EEA1: variants seen among roughly 807,000 people sequenced by gnomAD.
The protein encoded by EEA1 is early endosome antigen 1, 162kD.
In EEA1, 111 loss-of-function variants were observed where a neutral mutation model predicts 209.2. The observed-to-expected ratio is 0.53, with a 90% CI of 0.45 to 0.62. The LOEUF is 0.62. Among genes scored for constraint, EEA1 ranks in the 20% least tolerant of loss-of-function variants. The pLI, the probability that EEA1 is intolerant of heterozygous loss-of-function variation, is 0.00. For synonymous variants in EEA1, 536 were observed against 540.6 expected (o/e 0.99, Z 0.12); for missense variants, 1,343 against 1,530.8 (o/e 0.88, Z 2.05).
At chr12:92,838,563 A>C (rs1400657065) in intron 10 of EEA1, among the ~76,000 whole-genome samples, 1 of 152,214 alleles carries the variant, frequency 6.6e-6, no homozygotes, top group Non-Finnish European at 1.5e-5. Context: ...CAGCTATGAA[A>C]GATTATATTT....
chr12:92,862,801 A>T (rs1161593435), intron 3 of EEA1, among the ~76,000 whole-genome samples: 1 of 152,240 alleles, frequency 6.6e-6, no homozygotes, highest in Non-Finnish European at 1.5e-5. Flanking sequence ...TGCGGGTAGG[A>T]GGAGCAGATG....
At chr12:92,867,438 G>C (rs914328611) in intron 2 of EEA1, among the ~76,000 whole-genome samples, 6 of 151,814 alleles carry the variant, frequency 4.0e-5, no homozygotes, top group Non-Finnish European at 8.8e-5. Context: ...AAATATGAAT[G>C]AACATGGCAG....
intron 1 of EEA1, among the ~76,000 whole-genome samples, 159 bp downstream of exon 1, chr12:92,928,884 T>TC (rs1881314403): frequency 6.9e-6 from 1 of 145,650 alleles, no homozygotes; most frequent in African/African-American, 2.5e-5. Flanking sequence ...CCACCCGCCC[T>TC]CCCCGCCCCC....
intron 3 of EEA1, chr12:92,857,959 T>C (rs75262097): frequency 0.015 from 3,714 of 247,398 alleles, 52 homozygotes; most frequent in East Asian, 0.041. Flanking sequence ...TGCACCACCA[T>C]TGGTTACGCC....
At chr12:92,831,495 T>C (rs1876628113) in intron 11 of EEA1, among the ~76,000 whole-genome samples, 1 of 146,612 alleles carries the variant, frequency 6.8e-6, no homozygotes, top group South Asian at 2.1e-4. Context: ...ATGAATTGTA[T>C]ATAATATATG....
At chr12:92,888,590 AC>A (rs1434799110) in intron 2 of EEA1, among the ~76,000 whole-genome samples, 2,310 of 148,094 alleles carry the variant, frequency 0.016, 69 homozygotes, top group African/African-American at 0.054. Flanking sequence ...AAACAAACAA[AC>A]AAACAAAAAA....
At chr12:92,780,498 T>C in intron 23 of EEA1, 87 bp from the exon 24 acceptor site, 1 of 961,914 alleles carries the variant, frequency 1.0e-6, no homozygotes, top group Non-Finnish European at 1.5e-6. Context: ...CTACTATTGA[T>C]GACACTGGCT....
chr12:92,832,724 G>A lies in EEA1; in HGVS notation c.1042C>T (p.Gln348Ter). Residue 348 changes from glutamine (Q) to a stop codon, truncating the protein, a stop_gained, in exon 11 of 29, where the codon CAG becomes TAG. Coordinates refer to ENST00000322349, the MANE Select transcript of EEA1 (RefSeq NM_003566.4). LOFTEE classifies it high-confidence loss of function. ...TLHQKDLDCQQLQSRLSASET... is the reference protein window; with the variant it reads ...TLHQKDLDCQ ...GATGCAGACAATCTTGACTGAAGCT[G>A]TTGACAATCTAGGTCTTTTTGATGA... The A allele has an allele frequency of 1.2e-6, 2 of 1,613,982 alleles. No homozygotes were observed. Among genetic ancestry groups the A allele is most frequent in the Non-Finnish European group, 1.7e-6 (2 of 1,179,964 alleles).
chr12:92,900,178 C>T (rs1311562270), intron 1 of EEA1, among the ~76,000 whole-genome samples: 1 of 152,178 alleles, frequency 6.6e-6, no homozygotes, highest in Non-Finnish European at 1.5e-5. Flanking sequence ...AGCACCCTGA[C>T]TGTTTCCAAT....
At chr12:92,928,896 G>C (rs1881315764) in intron 1 of EEA1, 147 bp downstream of exon 1, 1 of 650,602 alleles carries the variant, frequency 1.5e-6, no homozygotes, top group African/African-American at 2.0e-5. Context: ...CCCGCCCCCG[G>C]GCCGGGCGAC....
chr12:92,852,573 TA>T (rs1877677946), intron 7 of EEA1, among the ~76,000 whole-genome samples: 2 of 151,522 alleles, frequency 1.3e-5, no homozygotes, highest in Admixed American at 1.3e-4. Flanking sequence ...CATATATATG[TA>T]ATAGTATAAC....
intron 23 of EEA1, among the ~76,000 whole-genome samples, chr12:92,781,389 A>G (rs1439295682): frequency 2.6e-5 from 4 of 152,216 alleles, no homozygotes; most frequent in African/African-American, 9.6e-5. Context: ...CCTGTCAGCT[A>G]ACAGGAATAT....
At chr12:92,782,823 A>G (rs1873961221) in intron 22 of EEA1, among the ~76,000 whole-genome samples, 1 of 152,036 alleles carries the variant, frequency 6.6e-6, no homozygotes, top group South Asian at 2.1e-4. Context: ...TCTGATTGTG[A>G]GTCTTAAGAC....
chr12:92,826,400 A>G (rs1876300640), intron 12 of EEA1, 115 bp from the exon 13 acceptor site: 2 of 954,648 alleles, frequency 2.1e-6, no homozygotes, highest in African/African-American at 1.7e-5. Context: ...TCAGGAATAT[A>G]TAAGATAAAC....
At chr12:92,818,820 A>G (rs1875915827) in intron 14 of EEA1, among the ~76,000 whole-genome samples, 1 of 152,182 alleles carries the variant, frequency 6.6e-6, no homozygotes, top group African/African-American at 2.4e-5. Flanking sequence ...CATTAAGGCA[A>G]CTTATCAAAA....
In EEA1 at chr12:92,775,184, T is replaced by C. The variant is rs1018248482; in HGVS notation, c.*827A>G. 6.6e-6 allele frequency: 1 copy of C among 151,754 alleles called. No homozygotes were observed. The highest frequency in any genetic ancestry group is 1.5e-5 in the Non-Finnish European group (1 of 67,710). The allele number at this position is 151,754 out of a possible 1,614,324, so 9.4% of individuals were successfully genotyped here. On this transcript the variant is annotated 3_prime_UTR_variant, in exon 29 of 29. Coordinates refer to ENST00000322349, the MANE Select transcript of EEA1 (RefSeq NM_003566.4). ...TAAGAACATTATACAATGTTTATTA[T>C]TCATCCTCCAACTGACAGCGAGGGT...
rs1021207574 is a variant in EEA1, at chr12:92,780,205, A to G, written c.3468+75T>C. On this transcript the variant is annotated intron_variant, in intron 24 of 28. Coordinates refer to ENST00000322349, the MANE Select transcript of EEA1 (RefSeq NM_003566.4). ...TAGCAAGTTCTCAATAAATAAATAA[A>G]TATGTATGGGTATATATATTTCTTT... 5.1e-5 allele frequency: 73 copies of G among 1,432,750 alleles called. No individual in the cohort carries two copies. In the Middle Eastern group the frequency reaches 6.1e-4, roughly 12 times the overall value. 88.8% of individuals were successfully genotyped at this position (1,432,750 alleles called of 1,614,324 possible).
At chr12:92,860,962 A>C (rs1273875828) in intron 3 of EEA1, among the ~76,000 whole-genome samples, 1 of 151,878 alleles carries the variant, frequency 6.6e-6, no homozygotes, top group African/African-American at 2.4e-5. Context: ...GCAGCTCTGT[A>C]AATAGGGGGG....
intron 1 of EEA1, among the ~76,000 whole-genome samples, chr12:92,918,687 T>C (rs1431261230): frequency 4.2e-5 from 4 of 95,608 alleles, no homozygotes; most frequent in Non-Finnish European, 6.5e-5. Context: ...TTAAAAGAAC[T>C]AGAAAAGCAA....
Sources: allele counts gnomAD v4.1 joint callset (sites outside exome capture counted in the v4.1 genomes callset), GRCh38; gene constraint gnomAD v4.1.1; transcripts MANE v1.5; gene names NCBI Gene and HGNC (gene_info 2026-07-23, HGNC 2026-07-21).